Variants in KCNIP4 observed in about 807,000 individuals in gnomAD.
KCNIP4 encodes potassium voltage-gated channel interacting protein 4.
In KCNIP4, 12 loss-of-function variants were observed where a neutral mutation model predicts 34.0. The ratio of observed to expected loss-of-function variants is 0.35; its 90% CI spans 0.23 to 0.57. The LOEUF (loss-of-function observed/expected upper bound fraction) is 0.57, where lower values mean the gene tolerates loss of function less well. Among genes scored for constraint, KCNIP4 ranks in the 20% least tolerant of loss-of-function variants. The probability of loss-of-function intolerance (pLI) is 0.83; values close to 1 mark genes in which losing one functional copy is unlikely to be tolerated. For missense variants in KCNIP4, 238 were observed against 311.7 expected, an observed-to-expected ratio of 0.76 and a Z score of 1.78; for synonymous variants, 124 against 102.2, an observed-to-expected ratio of 1.21 and a Z score of -1.29.
At chr4:21,713,336 TA>T (rs1278558069) in intron 1 of KCNIP4, among the ~76,000 whole-genome samples, 1 of 152,196 alleles carries the variant, frequency 6.6e-6, no homozygotes, top group Non-Finnish European at 1.5e-5. Flanking sequence ...AGGAAGCATC[TA>T]AAGTTTCTGC....
intron 1 of KCNIP4, among the ~76,000 whole-genome samples, chr4:21,691,986 C>A (rs192951233): frequency 4.6e-5 from 7 of 152,206 alleles, no homozygotes; most frequent in Admixed American, 4.6e-4. Context: ...GCGTGATCCA[C>A]CGCACCAGGC....
chr4:21,366,036 C>T (rs1262835049), intron 1 of KCNIP4, among the ~76,000 whole-genome samples: 2 of 152,098 alleles, frequency 1.3e-5, no homozygotes, highest in Non-Finnish European at 2.9e-5. Flanking sequence ...GCTTGATGAT[C>T]CTATCATAGA....
chr4:20,821,986 G>A (rs1051833702), intron 3 of KCNIP4, among the ~76,000 whole-genome samples: 19 of 151,620 alleles, frequency 1.3e-4, no homozygotes, highest in South Asian at 4.2e-4. Flanking sequence ...ATAAACATGC[G>A]TGTGCATGTG....
chr4:21,558,195 T>C (rs2109027463), intron 1 of KCNIP4, among the ~76,000 whole-genome samples: 1 of 152,222 alleles, frequency 6.6e-6, no homozygotes, highest in East Asian at 1.9e-4. Context: ...GCCTGTTACC[T>C]TAAATGGGAT....
intron 1 of KCNIP4, among the ~76,000 whole-genome samples, chr4:21,926,549 A>T (rs929884843): frequency 1.3e-5 from 2 of 152,188 alleles, no homozygotes; most frequent in Non-Finnish European, 2.9e-5. Context: ...AGTCTCCAGG[A>T]TAGGCACTTT....
intron 1 of KCNIP4, among the ~76,000 whole-genome samples, chr4:21,892,229 A>G (rs1339656695): frequency 1.3e-5 from 2 of 152,092 alleles, no homozygotes; most frequent in Non-Finnish European, 2.9e-5. Context: ...ACATAAAACA[A>G]CATGGATGAA....
At chr4:21,267,141 C>A (rs1226657117) in intron 1 of KCNIP4, among the ~76,000 whole-genome samples, 1 of 151,942 alleles carries the variant, frequency 6.6e-6, no homozygotes, top group East Asian at 1.9e-4. Flanking sequence ...GTTTATATTT[C>A]TTTCAAATAT....
chr4:21,498,802 G>C (rs1348173604), intron 1 of KCNIP4, among the ~76,000 whole-genome samples: 1 of 152,122 alleles, frequency 6.6e-6, no homozygotes, highest in Non-Finnish European at 1.5e-5. Context: ...AGAAACAATA[G>C]AGGTGGGTGT....
chr4:20,913,235 G>C (rs900246588), intron 1 of KCNIP4, among the ~76,000 whole-genome samples: 1 of 151,516 alleles, frequency 6.6e-6, no homozygotes, highest in Admixed American at 6.6e-5. Flanking sequence ...TAAAAACAAT[G>C]TACCAAAAAA....
At chr4:21,454,147 T>A (rs1009616889) in intron 1 of KCNIP4, among the ~76,000 whole-genome samples, 4 of 152,190 alleles carry the variant, frequency 2.6e-5, no homozygotes, top group East Asian at 3.9e-4. Flanking sequence ...ACCTCTATCA[T>A]TAAGCTAAAA....
At chr4:21,448,127 G>A (rs879764531) in intron 1 of KCNIP4, among the ~76,000 whole-genome samples, 3 of 152,068 alleles carry the variant, frequency 2.0e-5, no homozygotes, top group Non-Finnish European at 2.9e-5. Flanking sequence ...GAAACTGTTG[G>A]AGGCTGGAAG....
intron 1 of KCNIP4, chr4:21,718,391 G>T (rs1192652204): frequency 2.6e-5 from 4 of 151,654 alleles, no homozygotes; most frequent in African/African-American, 9.7e-5. Context: ...TATAAAATTT[G>T]GTAAACATTT....
At chr4:20,901,376 G>A (rs372475762) in intron 1 of KCNIP4, among the ~76,000 whole-genome samples, 13 of 152,310 alleles carry the variant, frequency 8.5e-5, no homozygotes, top group African/African-American at 3.1e-4. Flanking sequence ...CCGGTAGCTT[G>A]TTAGCAATGC....
chr4:21,177,219 A>G (rs1432263298), intron 1 of KCNIP4, among the ~76,000 whole-genome samples: 1 of 152,156 alleles, frequency 6.6e-6, no homozygotes, highest in African/African-American at 2.4e-5. Context: ...GGAGAATACA[A>G]TCTAGTAAAA....
intron 1 of KCNIP4, among the ~76,000 whole-genome samples, chr4:21,358,173 G>T (rs913415083): frequency 1.3e-5 from 2 of 152,084 alleles, no homozygotes; most frequent in South Asian, 4.1e-4. Context: ...CTGTCAGGTG[G>T]TGGGGGGCTG....
chr4:21,697,841 T>A, intron 1 of KCNIP4: 1 of 188,850 alleles, frequency 5.3e-6, no homozygotes, highest in Non-Finnish European at 1.0e-5. Flanking sequence ...AATCAGCATG[T>A]AAGCAGGTGA....
chr4:21,463,878 A>G (rs185116770), intron 1 of KCNIP4, among the ~76,000 whole-genome samples: 2 of 152,086 alleles, frequency 1.3e-5, no homozygotes, highest in Non-Finnish European at 2.9e-5. Context: ...TTGAAATTAA[A>G]TCATTTTACT....
At chr4:20,775,000 C>G (rs1262747712) in intron 3 of KCNIP4, among the ~76,000 whole-genome samples, 1 of 152,136 alleles carries the variant, frequency 6.6e-6, no homozygotes, top group African/African-American at 2.4e-5. Flanking sequence ...ACTCAGCATC[C>G]CTCTCTTTTC....
chr4:21,374,549 A>G (rs914152277), intron 1 of KCNIP4, among the ~76,000 whole-genome samples: 2 of 147,400 alleles, frequency 1.4e-5, no homozygotes, highest in Admixed American at 1.3e-4. Flanking sequence ...GCTAAATCAT[A>G]TCAGTGAGCT....
Sources: allele counts gnomAD v4.1 joint callset (sites outside exome capture counted in the v4.1 genomes callset), GRCh38; gene constraint gnomAD v4.1.1; transcripts MANE v1.5; gene names NCBI Gene and HGNC (gene_info 2026-07-23, HGNC 2026-07-21).